Variants in PACRG observed in about 807,000 individuals in gnomAD.
PACRG encodes parkin coregulated gene protein.
In PACRG, 29 loss-of-function variants were observed where a neutral mutation model predicts 29.7. The ratio of observed to expected loss-of-function variants is 0.98; its 90% CI spans 0.73 to 1.33. The LOEUF (loss-of-function observed/expected upper bound fraction) is 1.33. Ranked by LOEUF, PACRG falls within the 40% of genes most tolerant of loss-of-function variation. The pLI, the probability that PACRG is intolerant of heterozygous loss-of-function variation, is 0.00. For missense variants in PACRG, 279 were observed against 316.2 expected, an observed-to-expected ratio of 0.88 and a Z score of 0.89; for synonymous variants, 116 against 118.7, an observed-to-expected ratio of 0.98 and a Z score of 0.15.
chr6:163,220,625 T>C (rs1781547986), intron 4 of PACRG, among the ~76,000 whole-genome samples: 1 of 152,262 alleles, frequency 6.6e-6, no homozygotes, highest in Non-Finnish European at 1.5e-5. Flanking sequence ...CAAAGACCAC[T>C]TTTTGAAACT....
At chr6:163,159,007 G>A (rs1460171917) in intron 4 of PACRG, among the ~76,000 whole-genome samples, 1 of 152,120 alleles carries the variant, frequency 6.6e-6, no homozygotes, top group Non-Finnish European at 1.5e-5. Flanking sequence ...ATGCCTTTAA[G>A]AATAAGCTGC....
intron 4 of PACRG, among the ~76,000 whole-genome samples, chr6:163,103,939 C>T (rs925207075): frequency 6.6e-6 from 1 of 152,150 alleles, no homozygotes; most frequent in African/African-American, 2.4e-5. Context: ...AGCAGGTCCT[C>T]CTTCCAAACC....
At chr6:163,101,099 CCATT>C (rs1265738349) in intron 4 of PACRG, 78 of 980,136 alleles carry the variant, frequency 8.0e-5, no homozygotes, top group Non-Finnish European at 9.5e-5. Flanking sequence ...AAATCATTCT[CCATT>C]CAGTGACTTT....
intron 2 of PACRG, among the ~76,000 whole-genome samples, chr6:163,002,627 A>G (rs1434390704): frequency 1.3e-5 from 2 of 152,236 alleles, no homozygotes; most frequent in Non-Finnish European, 2.9e-5. Flanking sequence ...CATTTAGTTA[A>G]TGAAAGAAAT....
At chr6:162,820,921 T>C in intron 2 of PACRG, among the ~76,000 whole-genome samples, 1 of 152,154 alleles carries the variant, frequency 6.6e-6, no homozygotes, top group South Asian at 2.1e-4. Flanking sequence ...CCACAATTAT[T>C]TCCTTTGTGA....
At chr6:163,237,403 A>T (rs1039203486) in intron 4 of PACRG, among the ~76,000 whole-genome samples, 5 of 152,150 alleles carry the variant, frequency 3.3e-5, no homozygotes, top group African/African-American at 9.7e-5. Flanking sequence ...CTTAGCAAGT[A>T]TTTTTTATAT....
At chr6:163,197,610 ATT>A (rs34159560) in intron 4 of PACRG, among the ~76,000 whole-genome samples, 2,063 of 147,188 alleles carry the variant, frequency 0.014, 49 homozygotes, top group African/African-American at 0.049. Context: ...CGCCCGGCTA[ATT>A]TTTTTTTTTC....
At chr6:163,121,562 A>C (rs1446400124) in intron 4 of PACRG, among the ~76,000 whole-genome samples, 2 of 151,636 alleles carry the variant, frequency 1.3e-5, no homozygotes, top group Non-Finnish European at 2.9e-5. Flanking sequence ...TAGTATGTGA[A>C]TTTCACATCA....
chr6:162,753,309 G>C (rs912759534), intron 1 of PACRG, among the ~76,000 whole-genome samples: 17 of 138,454 alleles, frequency 1.2e-4, no homozygotes, highest in African/African-American at 4.3e-4. Flanking sequence ...CTACTTCTAT[G>C]AGTTCAACTT....
chr6:163,036,173 T>C (rs574023564), intron 2 of PACRG, among the ~76,000 whole-genome samples: 2 of 152,354 alleles, frequency 1.3e-5, no homozygotes, highest in African/African-American at 4.8e-5. Context: ...GTTTAACCAC[T>C]TGAAGCATGC....
intron 1 of PACRG, 50 bp from the exon 2 acceptor site, chr6:162,814,097 T>A (rs1413737346): frequency 4.0e-6 from 6 of 1,513,512 alleles, no homozygotes; most frequent in Admixed American, 4.4e-5. Context: ...ATTATGAATT[T>A]TTTTAGTATG....
At chr6:162,954,149 G>A (rs1799851756) in intron 2 of PACRG, among the ~76,000 whole-genome samples, 2 of 152,148 alleles carry the variant, frequency 1.3e-5, no homozygotes, top group South Asian at 4.1e-4. Context: ...GTATGTTAGA[G>A]TATCATCTAC....
intron 2 of PACRG, among the ~76,000 whole-genome samples, chr6:162,980,171 TAC>T (rs10559588): frequency 6.4e-4 from 96 of 150,110 alleles, no homozygotes; most frequent in South Asian, 1.7e-3. Context: ...AACACACACA[TAC>T]ACACACACAC....
chr6:163,137,624 C>T (rs954108207), intron 4 of PACRG, among the ~76,000 whole-genome samples: 10 of 152,286 alleles, frequency 6.6e-5, no homozygotes, highest in Non-Finnish European at 1.2e-4. Flanking sequence ...GCTCCAAATC[C>T]GGAGCTCGGT....
At chr6:162,745,257 C>T (rs1231616599) in intron 1 of PACRG, among the ~76,000 whole-genome samples, 2 of 152,038 alleles carry the variant, frequency 1.3e-5, no homozygotes, top group Admixed American at 6.6e-5. Flanking sequence ...AGCTGGAAGC[C>T]ATCATCCTCA....
intron 1 of PACRG, among the ~76,000 whole-genome samples, chr6:162,773,526 G>C (rs1182017886): frequency 6.4e-5 from 2 of 31,358 alleles, no homozygotes; most frequent in Non-Finnish European, 1.3e-4. Context: ...TTTTTTTTTT[G>C]AGACGGAGTC....
At chr6:162,857,448 T>C (rs921436543) in intron 2 of PACRG, among the ~76,000 whole-genome samples, 2 of 152,212 alleles carry the variant, frequency 1.3e-5, no homozygotes, top group African/African-American at 4.8e-5. Flanking sequence ...GAAACTGCTT[T>C]GTTTCTCCTA....
At chr6:162,980,661 G>A (rs1802334729) in intron 2 of PACRG, among the ~76,000 whole-genome samples, 1 of 152,150 alleles carries the variant, frequency 6.6e-6, no homozygotes. Context: ...AAAGCTAAAT[G>A]CAGAAGGATA....
At chr6:163,060,924 A>G (rs1811046538) in intron 2 of PACRG, 1 of 151,490 alleles carries the variant, frequency 6.6e-6, no homozygotes, top group Non-Finnish European at 1.5e-5. Flanking sequence ...TTATCCCATA[A>G]ATATATATTA....
Sources: gnomAD v4.1 joint callset for allele counts (sites outside exome capture counted in the v4.1 genomes callset) on GRCh38, gnomAD v4.1.1 for gene constraint, MANE v1.5 for transcripts, NCBI Gene and HGNC (gene_info 2026-07-23, HGNC 2026-07-21) for gene names.